The following ARHGAP8 variants were observed in gnomAD, a reference collection of about 807,000 sequenced individuals.
ARHGAP8 encodes the protein Rho GTPase activating protein 8.
ARHGAP8 carries 62 observed loss-of-function variants against 46.1 expected under a neutral mutation model. The ratio of observed to expected loss-of-function variants is 1.34; its 90% CI spans 1.10 to 1.66. The LOEUF (loss-of-function observed/expected upper bound fraction) is 1.66, where lower values mean the gene tolerates loss of function less well. ARHGAP8 is among the 40% of genes most tolerant of loss of function. The pLI, the probability that ARHGAP8 is intolerant of heterozygous loss-of-function variation, is 0.00. For missense variants in ARHGAP8, 923 were observed against 568.4 expected (o/e 1.62, Z -6.34); for synonymous variants, 375 against 243.1 (o/e 1.54, Z -5.05).
intron 10 of ARHGAP8, among the ~76,000 whole-genome samples, chr22:44,852,384 TAGA>T (rs1569180974): frequency 6.6e-6 from 1 of 151,884 alleles, no homozygotes; most frequent in Non-Finnish European, 1.5e-5. Context: ...CCCCTCCCAT[TAGA>T]AGGTTTTATG....
At chr22:44,802,267 C>T (rs1327905612) in intron 3 of ARHGAP8, 103 bp downstream of exon 3, 2 of 1,440,102 alleles carry the variant, frequency 1.4e-6, no homozygotes, top group East Asian at 2.4e-5. Flanking sequence ...GGTCTGGGGC[C>T]TCCTTTGTGA....
At chr22:44,763,850 G>C (rs1460354873) in intron 1 of ARHGAP8, among the ~76,000 whole-genome samples, 1 of 144,348 alleles carries the variant, frequency 6.9e-6, no homozygotes, top group Admixed American at 7.2e-5. Flanking sequence ...TACAAACTCA[G>C]GTATGGCTGG....
At chr22:44,780,757 C>T (rs1450486856) in intron 1 of ARHGAP8, among the ~76,000 whole-genome samples, 3 of 152,210 alleles carry the variant, frequency 2.0e-5, no homozygotes, top group Non-Finnish European at 4.4e-5. Context: ...GCCATTAGTC[C>T]ATGTTTTATC....
chr22:44,782,116 C>A (rs986006543), intron 1 of ARHGAP8, among the ~76,000 whole-genome samples: 17 of 152,070 alleles, frequency 1.1e-4, no homozygotes, highest in African/African-American at 4.1e-4. Flanking sequence ...GGGCAGATCA[C>A]TTGAGGTCAG....
At chr22:44,799,929 G>A (rs1928360725) in intron 2 of ARHGAP8, among the ~76,000 whole-genome samples, 1 of 139,354 alleles carries the variant, frequency 7.2e-6, no homozygotes, top group African/African-American at 2.7e-5. Flanking sequence ...GGCAGAGAGA[G>A]GAGGAAAGTC....
At chr22:44,816,916 G>A (rs1242973738) in intron 5 of ARHGAP8, among the ~76,000 whole-genome samples, 8 of 118,814 alleles carry the variant, frequency 6.7e-5, no homozygotes, top group African/African-American at 1.7e-4. Context: ...ACGAAGTCTC[G>A]CTTTTGTCCC....
chr22:44,847,406 C>T (rs2069984867), intron 8 of ARHGAP8, among the ~76,000 whole-genome samples: 2 of 152,260 alleles, frequency 1.3e-5, no homozygotes, highest in South Asian at 4.1e-4. Flanking sequence ...CAGCAGCCAC[C>T]AGCCCCTGTG....
intron 10 of ARHGAP8, among the ~76,000 whole-genome samples, chr22:44,854,776 T>C (rs1435391950): frequency 1.3e-5 from 2 of 151,630 alleles, no homozygotes; most frequent in African/African-American, 2.4e-5. Flanking sequence ...GTAGCTGGGA[T>C]TACAGGCACC....
intron 4 of ARHGAP8, among the ~76,000 whole-genome samples, chr22:44,813,897 A>C (rs866285021): frequency 2.0e-5 from 3 of 152,174 alleles, no homozygotes; most frequent in South Asian, 2.1e-4. Context: ...AATTCCTGAA[A>C]TTTTGACAGC....
chr22:44,764,220 A>G (rs1243306060), intron 1 of ARHGAP8, among the ~76,000 whole-genome samples: 4 of 152,158 alleles, frequency 2.6e-5, no homozygotes, highest in Admixed American at 2.0e-4. Context: ...TCATGATGCA[A>G]GCGTGTTCTG....
intron 4 of ARHGAP8, among the ~76,000 whole-genome samples, chr22:44,813,974 C>T (rs1334690382): frequency 2.0e-5 from 3 of 152,150 alleles, no homozygotes; most frequent in African/African-American, 4.8e-5. Context: ...CATGTGGATG[C>T]CCCTTCTCGC....
rs187863999 is a variant in ARHGAP8 at position 44,760,053 on chromosome 22, T to C, written c.-72+7426T>C. Among the ~76,000 whole-genome samples the C allele has an allele frequency of 2.1e-3, 317 of 152,308 alleles. 5 individuals are homozygous for C. Among genetic ancestry groups the C allele is most frequent in the Non-Finnish European group, 7.5e-4 (51 of 68,026 alleles). On this transcript the variant is annotated intron_variant, in intron 1 of 11. Coordinates refer to ENST00000356099, the MANE Select transcript of ARHGAP8 (RefSeq NM_181335.3). ...CAGGGTGCTGAAGGTTTCCTGCGGT[T>C]TGTGGGCAGGCCTCTGACAAGGTCC...
rs536420296 is a variant in ARHGAP8, at chr22:44,772,410, G to C, written c.-71-14047G>C. Among the ~76,000 whole-genome samples, 12 of 140,462 alleles carry C rather than the reference G, an allele frequency of 8.5e-5. No individual in the cohort carries two copies. In the South Asian group the frequency reaches 2.3e-3, roughly 26 times the overall value. 92.1% of individuals were successfully genotyped at this position (140,462 alleles called of 152,430 possible). ...TCGCTATGTTGACCAGGTTGGTCTC[G>C]GACTCCTGACCTCAAGTGATCCGCC... On this transcript the variant is annotated intron_variant, in intron 1 of 11. Transcript: ENST00000356099.
At chr22:44,756,506 A>T (rs923906985) in intron 1 of ARHGAP8, among the ~76,000 whole-genome samples, 7 of 152,150 alleles carry the variant, frequency 4.6e-5, no homozygotes, top group Middle Eastern at 3.4e-3. Context: ...CAAATGATGT[A>T]CAATGAGCCG....
At chr22:44,786,153 G>C in intron 1 of ARHGAP8, 1 of 497,104 alleles carries the variant, frequency 2.0e-6, no homozygotes. Context: ...GTGGGTGCTC[G>C]GCTGATGTCG....
At position 44,820,115 on chromosome 22, in the gene ARHGAP8, G is replaced by A. The variant is rs185106823; in HGVS notation, c.387-2256G>A. ...GCCAGACCTCCTGACTCAGATCCCC[G>A]CAGGTGGTGCCTGTGGCTGCAGGTC... On this transcript the variant is annotated intron_variant, in intron 5 of 11. Transcript: ENST00000356099. Among the ~76,000 whole-genome samples, 79 of 152,354 alleles carry A rather than the reference G, an allele frequency of 5.2e-4. No homozygotes were observed. In the East Asian group the frequency reaches 0.014, roughly 27 times the overall value.
intron 10 of ARHGAP8, among the ~76,000 whole-genome samples, chr22:44,859,310 T>TG (rs919444587): frequency 2.8e-4 from 43 of 152,146 alleles, no homozygotes; most frequent in South Asian, 4.2e-4. Flanking sequence ...GTCCTCGAGA[T>TG]AGTGAGTTCT....
At chr22:44,786,168 CATAATGGGTGCTCGGCTGAGGTAGGGCGT>C in intron 1 of ARHGAP8, 2 of 533,212 alleles carry the variant, frequency 3.8e-6, no homozygotes, top group Non-Finnish European at 6.7e-6. Context: ...ATGTCGAGTG[CATAATGGGTGCTCGGCTGAGGTAGGGCGT>C]ATAGTGGGTG....
chr22:44,804,168 C>T (rs866268175), intron 3 of ARHGAP8, among the ~76,000 whole-genome samples: 4 of 152,260 alleles, frequency 2.6e-5, no homozygotes, highest in Middle Eastern at 3.4e-3. Flanking sequence ...CAGAAGGAAC[C>T]ACCTGTTCCT....
Sources: allele counts gnomAD v4.1 joint callset (sites outside exome capture counted in the v4.1 genomes callset), GRCh38; gene constraint gnomAD v4.1.1; transcripts MANE v1.5; gene names NCBI Gene and HGNC (gene_info 2026-07-23, HGNC 2026-07-21).